Variants in MRTFB observed in about 807,000 individuals in gnomAD.
The protein encoded by MRTFB is myocardin-related transcription factor B.
In MRTFB, 29 loss-of-function variants were observed where a neutral mutation model predicts 104.2. The observed-to-expected ratio is 0.28, with a 90% CI of 0.21 to 0.38. The LOEUF (loss-of-function observed/expected upper bound fraction) is 0.38, where lower values mean the gene tolerates loss of function less well. MRTFB is among the 10% of genes least tolerant of loss of function. MRTFB has a pLI of 1.00. For missense variants in MRTFB, 1,270 were observed against 1,341.6 expected, an observed-to-expected ratio of 0.95 and a Z score of 0.83; for synonymous variants, 535 against 519.5, an observed-to-expected ratio of 1.03 and a Z score of -0.41.
At chr16:14,030,106 T>C in the MRTFB span, among the ~76,000 whole-genome samples, 13 of 152,160 alleles carry the variant, frequency 8.5e-5, no homozygotes, top group Non-Finnish European at 1.8e-4. Context: ...GGGTTTCTGC[T>C]GTCTTCGCAG....
intron 2 of MRTFB, among the ~76,000 whole-genome samples, chr16:14,107,501 T>C (rs995112278): frequency 6.6e-6 from 1 of 152,150 alleles, no homozygotes; most frequent in Non-Finnish European, 1.5e-5. Flanking sequence ...TTGGACCAGA[T>C]ACAAGGTTTA....
At chr16:14,162,368 T>A (rs971273185) in intron 3 of MRTFB, among the ~76,000 whole-genome samples, 3 of 152,052 alleles carry the variant, frequency 2.0e-5, no homozygotes, top group Admixed American at 6.6e-5. Context: ...GGGTTTTTTT[T>A]AATTATATGA....
At chr16:14,251,702 T>C (rs1272639934) in intron 13 of MRTFB, among the ~76,000 whole-genome samples, 160 bp from the exon 14 acceptor site, 4 of 152,218 alleles carry the variant, frequency 2.6e-5, no homozygotes, top group Non-Finnish European at 5.9e-5. Context: ...CAGAGCCAAG[T>C]GGTAACAACA....
the MRTFB span, among the ~76,000 whole-genome samples, chr16:14,006,448 G>C: frequency 5.9e-5 from 9 of 152,058 alleles, no homozygotes; most frequent in Non-Finnish European, 1.0e-4. Context: ...CAGAGGCAGA[G>C]GTTGCAGTGA....
chr16:14,265,385 G>A lies in MRTFB; in HGVS notation c.*3941G>A, dbSNP rs779818571. Reference sequence around the variant, plus strand: ...AATTATCAAAGAACATTAACTGGAAGGTCAGGTTTTTCAAGGAACATAGCT... The same window carrying A: ...AATTATCAAAGAACATTAACTGGAAAGTCAGGTTTTTCAAGGAACATAGCT... On this transcript the variant is annotated 3_prime_UTR_variant, in exon 17 of 17. Coordinates refer to ENST00000571589, the MANE Select transcript of MRTFB (RefSeq NM_001308142.2). 1.3e-5 allele frequency: 2 copies of A among 152,152 alleles called. No homozygotes were observed. The highest frequency in any genetic ancestry group is 2.9e-5 in the Non-Finnish European group (2 of 68,032). 9.4% of individuals were successfully genotyped at this position (152,152 alleles called of 1,614,324 possible). A position where few individuals can be genotyped will look rare whatever the true frequency, so the allele number is the denominator to read the frequency against.
chr16:14,175,004 C>G (rs2039535020), intron 3 of MRTFB, among the ~76,000 whole-genome samples: 1 of 151,952 alleles, frequency 6.6e-6, no homozygotes, highest in Non-Finnish European at 1.5e-5. Context: ...TTTAGATGCC[C>G]AGGTAAATAA....
At chr16:14,229,490 T>G (rs2042163154) in intron 8 of MRTFB, among the ~76,000 whole-genome samples, 1 of 152,242 alleles carries the variant, frequency 6.6e-6, no homozygotes, top group Admixed American at 6.5e-5. Context: ...AAGCTTTGTT[T>G]TTAAATACCT....
At chr16:14,141,141 G>A (rs953056508) in intron 3 of MRTFB, 12 of 173,154 alleles carry the variant, frequency 6.9e-5, no homozygotes, top group Non-Finnish European at 1.1e-4. Flanking sequence ...GTGTTGCACC[G>A]TAATTTCACA....
chr16:13,999,897 G>A, the MRTFB span, among the ~76,000 whole-genome samples: 2 of 152,212 alleles, frequency 1.3e-5, no homozygotes, highest in South Asian at 4.2e-4. Flanking sequence ...CAACACTGAG[G>A]GCCTCCTCTG....
the MRTFB span, among the ~76,000 whole-genome samples, chr16:14,038,616 C>A: frequency 6.6e-6 from 1 of 152,214 alleles, no homozygotes; most frequent in Admixed American, 6.5e-5. Context: ...CTTTGGCAGG[C>A]AACCATATCT....
At chr16:14,144,241 T>C (rs2038174014) in intron 3 of MRTFB, 1 of 152,234 alleles carries the variant, frequency 6.6e-6, no homozygotes, top group Non-Finnish European at 1.5e-5. Context: ...GTGCAAAGAC[T>C]CCACTATGAG....
At chr16:14,090,574 G>T (rs940001766) in intron 2 of MRTFB, among the ~76,000 whole-genome samples, 1 of 152,144 alleles carries the variant, frequency 6.6e-6, no homozygotes, top group Non-Finnish European at 1.5e-5. Flanking sequence ...CTGTGGTGGT[G>T]CCAGGAGGGG....
chr16:14,110,243 C>T (rs1263350487), intron 2 of MRTFB, among the ~76,000 whole-genome samples: 3 of 152,228 alleles, frequency 2.0e-5, no homozygotes, highest in Admixed American at 2.0e-4. Flanking sequence ...GAGAGCTAAT[C>T]CTCCTGGACC....
At chr16:14,025,021 A>G in the MRTFB span, among the ~76,000 whole-genome samples, 1 of 152,194 alleles carries the variant, frequency 6.6e-6, no homozygotes, top group African/African-American at 2.4e-5. Flanking sequence ...TTTGTAATGT[A>G]CATAATATAG....
intron 2 of MRTFB, among the ~76,000 whole-genome samples, chr16:14,080,044 C>A (rs534477736): frequency 1.3e-5 from 2 of 152,236 alleles, no homozygotes; most frequent in South Asian, 4.1e-4. Flanking sequence ...GCCTAATGTT[C>A]CATCTTTTAG....
intron 8 of MRTFB, among the ~76,000 whole-genome samples, chr16:14,220,832 C>G (rs1407186394): frequency 6.6e-6 from 1 of 152,120 alleles, no homozygotes; most frequent in African/African-American, 2.4e-5. Context: ...GTTAACAGTT[C>G]CTATGTATAC....
chr16:14,127,913 ATATATATATATATATATTTTTT>A (rs2037208575), intron 2 of MRTFB, among the ~76,000 whole-genome samples: 1 of 45,532 alleles, frequency 2.2e-5, no homozygotes, highest in African/African-American at 8.6e-5. Context: ...ATATATATAT[ATATATATATATATATATTTTTT>A]TTTTTTTTTT....
At chr16:14,049,406 G>T in the MRTFB span, among the ~76,000 whole-genome samples, 1 of 152,162 alleles carries the variant, frequency 6.6e-6, no homozygotes, top group Non-Finnish European at 1.5e-5. Context: ...ATTCTAGCTG[G>T]ATATTGTTAC....
chr16:14,192,463 T>C (rs1448657146), intron 3 of MRTFB, among the ~76,000 whole-genome samples: 1 of 152,212 alleles, frequency 6.6e-6, no homozygotes, highest in Non-Finnish European at 1.5e-5. Context: ...CATTATTCAG[T>C]ATTTTTAAAA....
Sources: gnomAD v4.1 joint callset for allele counts (sites outside exome capture counted in the v4.1 genomes callset) on GRCh38, gnomAD v4.1.1 for gene constraint, MANE v1.5 for transcripts, NCBI Gene and HGNC (gene_info 2026-07-23, HGNC 2026-07-21) for gene names.